The following BCAS3 variants were observed in gnomAD, a reference collection of about 807,000 sequenced individuals.
BCAS3 encodes the protein BCAS4/BCAS3 fusion.
BCAS3 carries 53 observed loss-of-function variants against 116.1 expected under a neutral mutation model. That is an observed-to-expected ratio of 0.46 (90% CI 0.37 to 0.57). The LOEUF is 0.57. Ranked by LOEUF, BCAS3 falls within the 20% of genes least tolerant of loss-of-function variation. The probability of loss-of-function intolerance (pLI) is 0.00; values close to 1 mark genes in which losing one functional copy is unlikely to be tolerated. For synonymous variants in BCAS3, 391 were observed against 408.2 expected (o/e 0.96, Z 0.51); for missense variants, 917 against 1,165.4 (o/e 0.79, Z 3.10).
At chr17:60,701,566 AC>A (rs1213825616) in intron 4 of BCAS3, among the ~76,000 whole-genome samples, 16 of 152,266 alleles carry the variant, frequency 1.1e-4, no homozygotes, top group East Asian at 7.7e-4. Flanking sequence ...TTGCAGATGA[AC>A]CACATAGCCT....
intron 4 of BCAS3, among the ~76,000 whole-genome samples, chr17:60,691,608 G>A (rs1044758845): frequency 1.6e-4 from 24 of 151,774 alleles, no homozygotes; most frequent in African/African-American, 5.8e-4. Flanking sequence ...TTTAGTTTTA[G>A]GAGTTTTCTA....
chr17:60,732,251 G>C (rs1203142388), intron 5 of BCAS3, among the ~76,000 whole-genome samples: 2 of 152,044 alleles, frequency 1.3e-5, no homozygotes, highest in African/African-American at 4.8e-5. Context: ...TTTAACTACT[G>C]ATCTTCATTT....
intron 14 of BCAS3, among the ~76,000 whole-genome samples, chr17:60,975,698 C>T (rs1024067174): frequency 6.6e-6 from 1 of 152,198 alleles, no homozygotes; most frequent in East Asian, 1.9e-4. Context: ...CACTCTCCAT[C>T]CCCCTCTCCC....
At chr17:61,060,246 C>T (rs941183193) in intron 19 of BCAS3, among the ~76,000 whole-genome samples, 3 of 151,874 alleles carry the variant, frequency 2.0e-5, no homozygotes, top group Admixed American at 2.0e-4. Context: ...CCTGCCTCAG[C>T]CTCCTGACTA....
chr17:61,384,058 G>T (rs1006906564), intron 23 of BCAS3: 1 of 152,310 alleles, frequency 6.6e-6, no homozygotes, highest in South Asian at 2.1e-4. Flanking sequence ...CTTCATAGCC[G>T]GGCAGAGCGG....
intron 6 of BCAS3, among the ~76,000 whole-genome samples, chr17:60,771,051 G>T (rs1016327877): frequency 6.6e-6 from 1 of 151,710 alleles, no homozygotes; most frequent in African/African-American, 2.4e-5. Context: ...CAGGTGATCT[G>T]CCTGCCTTGG....
intron 7 of BCAS3, among the ~76,000 whole-genome samples, chr17:60,848,106 G>A (rs1364926393): frequency 6.6e-6 from 1 of 152,128 alleles, no homozygotes; most frequent in Non-Finnish European, 1.5e-5. Context: ...TTTTTCAAAA[G>A]TTAATTCATC....
chr17:60,846,831 A>G (rs750743001), intron 7 of BCAS3, among the ~76,000 whole-genome samples: 2 of 151,636 alleles, frequency 1.3e-5, no homozygotes, highest in Admixed American at 6.6e-5. Context: ...AGGTGACTTT[A>G]CATAATATAA....
In BCAS3 at chr17:61,226,995, C is replaced by T. The variant is rs995226509; in HGVS notation, c.2426-141332C>T. Among the ~76,000 whole-genome samples the T allele has an allele frequency of 1.3e-5, 2 of 152,062 alleles. No individual in the cohort carries two copies. Among genetic ancestry groups the T allele is most frequent in the Non-Finnish European group, 2.9e-5 (2 of 68,030 alleles). On this transcript the variant is annotated intron_variant, in intron 22 of 23. Transcript: ENST00000407086. This position sits in a 1 kb window ranked among gnomAD's most constrained non-coding sequence, Gnocchi z 6.0. ...TGGTGGGCCTTCCTGATGGGACCCT[C>T]GAGGGAGGAGAGGATGGAGACTGGG...
intron 9 of BCAS3, among the ~76,000 whole-genome samples, chr17:60,882,829 G>T (rs1333950108): frequency 1.4e-5 from 2 of 144,076 alleles, no homozygotes; most frequent in Non-Finnish European, 3.0e-5. Flanking sequence ...GTACCATGCT[G>T]TTTTGGTTAC....
intron 22 of BCAS3, among the ~76,000 whole-genome samples, chr17:61,175,843 G>C (rs921424094): frequency 6.6e-6 from 1 of 152,100 alleles, no homozygotes; most frequent in Non-Finnish European, 1.5e-5. Flanking sequence ...TTAAAAAATA[G>C]GTAAGTTTGA....
In BCAS3 at chr17:61,017,757, A is replaced by G. The variant is rs1379897103; in HGVS notation, c.1637+1856A>G. ...AGGAAGTGAGTCTGCTTTTTTATGT[A>G]GTATTTGAAATTTTCCATAAGAAGA... On this transcript the variant is annotated intron_variant, in intron 16 of 23. Transcript: ENST00000407086. This position sits in a 1 kb window ranked among gnomAD's most constrained non-coding sequence, Gnocchi z 4.7. 1.3e-5 allele frequency among the ~76,000 whole-genome samples: 2 copies of G among 152,124 alleles called. No homozygotes were observed. The highest frequency in any genetic ancestry group is 2.9e-5 in the Non-Finnish European group (2 of 68,006).
intron 19 of BCAS3, among the ~76,000 whole-genome samples, chr17:61,054,583 C>T (rs1215511851): frequency 6.6e-6 from 1 of 152,156 alleles, no homozygotes; most frequent in Non-Finnish European, 1.5e-5. Flanking sequence ...CTAGACTGGT[C>T]TCAAACTCCT....
intron 4 of BCAS3, among the ~76,000 whole-genome samples, chr17:60,697,082 C>T (rs942329102): frequency 3.3e-5 from 5 of 151,842 alleles, no homozygotes; most frequent in Admixed American, 6.6e-5. Flanking sequence ...CCTACCTACT[C>T]GAGAGGCTGA....
chr17:60,893,014 T>A (rs2057279250), intron 10 of BCAS3, among the ~76,000 whole-genome samples: 1 of 152,292 alleles, frequency 6.6e-6, no homozygotes, highest in Admixed American at 6.5e-5. Context: ...ATATTAGTGA[T>A]GTTGAACATT....
chr17:60,986,314 A>G (rs527500876), intron 14 of BCAS3, among the ~76,000 whole-genome samples: 12 of 152,292 alleles, frequency 7.9e-5, no homozygotes, highest in African/African-American at 2.6e-4. Flanking sequence ...GAGTGCAGAT[A>G]TCTCTTTGAT....
chr17:61,178,915 C>A (rs2079308121), intron 22 of BCAS3, among the ~76,000 whole-genome samples: 1 of 152,118 alleles, frequency 6.6e-6, no homozygotes, highest in African/African-American at 2.4e-5. Flanking sequence ...CGGTTTATTA[C>A]AGAAGTTCTG....
Position 61,259,463 on chromosome 17 carries a change from G to C in BCAS3, c.2426-108864G>C, listed in dbSNP as rs2049027258. Among the ~76,000 whole-genome samples the C allele has an allele frequency of 6.6e-6, 1 of 152,134 alleles. No individual in the cohort carries two copies. The highest frequency in any genetic ancestry group is 1.5e-5 in the Non-Finnish European group (1 of 68,038). On this transcript the variant is annotated intron_variant, in intron 22 of 23. Coordinates refer to ENST00000407086, the MANE Select transcript of BCAS3 (RefSeq NM_017679.5). This position sits in a 1 kb window ranked among gnomAD's most constrained non-coding sequence, Gnocchi z 4.7. Reference sequence around the variant, plus strand: ...TCCATAGGGGTTGAGAACATCGTTGGATGATATGTTTAATGCTGCAGATGC... The same window carrying C: ...TCCATAGGGGTTGAGAACATCGTTGCATGATATGTTTAATGCTGCAGATGC...
chr17:61,348,953 C>T lies in BCAS3; in HGVS notation c.2426-19374C>T, dbSNP rs991388896. 5.3e-5 allele frequency among the ~76,000 whole-genome samples: 8 copies of T among 151,876 alleles called. No homozygotes were observed. Among genetic ancestry groups the T allele is most frequent in the South Asian group, 2.1e-4 (1 of 4,788 alleles). ...ATTTTTGGTAGAGATGGGGTTTCAC[C>T]GTGTTAGCCAGGATGGTCTTGATCT... On this transcript the variant is annotated intron_variant, in intron 22 of 23. Coordinates refer to ENST00000407086, the MANE Select transcript of BCAS3 (RefSeq NM_017679.5). The surrounding 1 kb of genome is among the most constrained non-coding windows in gnomAD (Gnocchi z 4.5).
Sources: gnomAD v4.1 joint callset for allele counts (sites outside exome capture counted in the v4.1 genomes callset) on GRCh38, gnomAD v4.1.1 for gene constraint, Gnocchi (gnomAD v3.1) non-coding constraint, MANE v1.5 for transcripts, NCBI Gene and HGNC (gene_info 2026-07-23, HGNC 2026-07-21) for gene names.